Variants in PRSS23 observed in about 807,000 individuals in gnomAD.
PRSS23 encodes the protein protease, serine 23.
In PRSS23, 25 loss-of-function variants were observed where a neutral mutation model predicts 34.7. The observed-to-expected ratio is 0.72, with a 90% confidence interval of 0.53 to 1.01. PRSS23 has a LOEUF of 1.01. Ranked by LOEUF, PRSS23 falls within the 50% of genes least tolerant of loss-of-function variation. The probability of loss-of-function intolerance (pLI) is 0.00; values close to 1 mark genes in which losing one functional copy is unlikely to be tolerated. For synonymous variants in PRSS23, 176 were observed against 186.6 expected (o/e 0.94, Z 0.46); for missense variants, 445 against 475.6 (o/e 0.94, Z 0.60).
intron 2 of PRSS23, among the ~76,000 whole-genome samples, chr11:86,920,273 CAGTT>C (rs1949039234): frequency 6.6e-6 from 1 of 152,192 alleles, no homozygotes; most frequent in Non-Finnish European, 1.5e-5. Context: ...CCTTCAAACT[CAGTT>C]AGTCTATTCA....
rs371843497 is a variant in PRSS23 at position 86,907,501 on chromosome 11, C to G, written c.207-43715C>G. Reference sequence around the variant, plus strand: ...TGTTTTTTTGAGACAGGGTATCACTCTGTCACCCAGGCTAGAGCACACTGT... The same window carrying G: ...TGTTTTTTTGAGACAGGGTATCACTGTGTCACCCAGGCTAGAGCACACTGT... On this transcript the variant is annotated intron_variant, in intron 2 of 2. Transcript: ENST00000533902. 5.3e-5 allele frequency among the ~76,000 whole-genome samples: 8 copies of G among 152,224 alleles called. No homozygotes were observed. The East Asian group carries it at 1.4e-3, about 26-fold the overall frequency.
intron 2 of PRSS23, among the ~76,000 whole-genome samples, chr11:86,883,429 C>T (rs1948783719): frequency 6.6e-6 from 1 of 152,202 alleles, no homozygotes; most frequent in African/African-American, 2.4e-5. Context: ...GCTGGAATAA[C>T]TGGATAGCCA....
At chr11:86,825,894 T>C (rs1477068811) in intron 2 of PRSS23, among the ~76,000 whole-genome samples, 2 of 152,108 alleles carry the variant, frequency 1.3e-5, no homozygotes, top group African/African-American at 4.8e-5. Flanking sequence ...CCTTGTAGTA[T>C]AGTTTGAAGT....
intron 2 of PRSS23, chr11:86,857,773 A>G (rs1040408267): frequency 1.5e-5 from 16 of 1,054,024 alleles, no homozygotes; most frequent in Non-Finnish European, 2.2e-5. Flanking sequence ...GTCCACAATC[A>G]TCTTGGGAAC....
intron 2 of PRSS23, among the ~76,000 whole-genome samples, chr11:86,930,293 A>G (rs1326043208): frequency 2.0e-5 from 3 of 152,188 alleles, no homozygotes; most frequent in Non-Finnish European, 4.4e-5. Flanking sequence ...TGAATGTATA[A>G]GCTATTCAAA....
intron 1 of PRSS23, among the ~76,000 whole-genome samples, chr11:86,804,490 A>G (rs1261467963): frequency 6.6e-6 from 1 of 152,248 alleles, no homozygotes; most frequent in Non-Finnish European, 1.5e-5. Flanking sequence ...AGAACTTGGA[A>G]GCAGAGTTGC....
At chr11:86,940,291 A>G (rs1471876602) in intron 2 of PRSS23, among the ~76,000 whole-genome samples, 1 of 152,182 alleles carries the variant, frequency 6.6e-6, no homozygotes, top group African/African-American at 2.4e-5. Flanking sequence ...TTAGTTTGCA[A>G]CGTAGGGGTG....
chr11:86,831,202 T>G (rs1056956510), intron 2 of PRSS23, among the ~76,000 whole-genome samples: 2 of 152,148 alleles, frequency 1.3e-5, no homozygotes, highest in African/African-American at 4.8e-5. Context: ...CCCTGCGATA[T>G]TATTCATAAT....
intron 1 of PRSS23, among the ~76,000 whole-genome samples, chr11:86,803,271 G>C (rs1321140376): frequency 2.6e-5 from 4 of 152,168 alleles, no homozygotes; most frequent in African/African-American, 9.7e-5. Flanking sequence ...GAGTCTTCCA[G>C]GCAGCTCTGC....
intron 2 of PRSS23, among the ~76,000 whole-genome samples, chr11:86,893,479 A>G (rs1393444037): frequency 6.6e-6 from 1 of 152,218 alleles, no homozygotes; most frequent in East Asian, 1.9e-4. Context: ...TGGGAGAAAC[A>G]TTGTTCTGCT....
At chr11:86,829,695 T>C (rs1025259791) in intron 2 of PRSS23, among the ~76,000 whole-genome samples, 1 of 152,208 alleles carries the variant, frequency 6.6e-6, no homozygotes, top group Non-Finnish European at 1.5e-5. Flanking sequence ...TTTGTTAGTT[T>C]TCCTTCTAAG....
chr11:86,807,940 G>T lies in PRSS23; in HGVS notation c.297G>T (p.Thr99=). 6.2e-7 allele frequency: 1 copy of T among 1,614,138 alleles called. No individual in the cohort carries two copies. Among genetic ancestry groups the T allele is most frequent in the Non-Finnish European group, 8.5e-7 (1 of 1,180,036 alleles). The change falls in exon 2 of 2, where the codon ACG becomes ACT. Residue 99 remains threonine, a synonymous_variant. Transcript: ENST00000280258. ...TLYANGSRTE[T]QVGIYILSSS... is the part of the protein sequence containing the mutation. ...ATGCCAATGGCAGCCGCACAGAGAC[G>T]CAGGTGGGCATCTACATCCTCAGCA... is the stretch of plus-strand genomic sequence containing the variant.
At chr11:86,945,040 C>T (rs1363667198) in intron 2 of PRSS23, among the ~76,000 whole-genome samples, 1 of 152,094 alleles carries the variant, frequency 6.6e-6, no homozygotes, top group Non-Finnish European at 1.5e-5. Flanking sequence ...TACTGACTCC[C>T]ATAACAATAT....
intron 2 of PRSS23, among the ~76,000 whole-genome samples, chr11:86,852,998 C>T (rs201660140): frequency 7.5e-4 from 111 of 147,640 alleles, no homozygotes; most frequent in Admixed American, 2.0e-3. Flanking sequence ...GGATTACAGG[C>T]GTGCGCCACC....
At chr11:86,872,418 G>A (rs7118936) in intron 2 of PRSS23, among the ~76,000 whole-genome samples, 19,270 of 152,042 alleles carry the variant, frequency 0.13, 1,988 homozygotes, top group African/African-American at 0.29. Flanking sequence ...CACTTAACAC[G>A]TTCCTGATTC....
chr11:86,869,634 G>C (rs1948671880), intron 2 of PRSS23, among the ~76,000 whole-genome samples: 1 of 152,150 alleles, frequency 6.6e-6, no homozygotes, highest in Admixed American at 6.5e-5. Flanking sequence ...CAAGGTTACA[G>C]AGCTGGATTA....
upstream of PRSS23, among the ~76,000 whole-genome samples, chr11:86,796,572 C>T (rs1170080578): frequency 2.3e-5 from 3 of 132,258 alleles, no homozygotes; most frequent in South Asian, 2.5e-4. Context: ...ACCCGGGAGG[C>T]GGAGCTTGCA....
intron 2 of PRSS23, among the ~76,000 whole-genome samples, chr11:86,881,571 T>C (rs964211289): frequency 6.6e-6 from 1 of 152,222 alleles, no homozygotes; most frequent in African/African-American, 2.4e-5. Flanking sequence ...TTTCTTGTGA[T>C]GTCTTTGCCT....
intron 2 of PRSS23, among the ~76,000 whole-genome samples, chr11:86,880,727 T>C (rs1948767397): frequency 6.6e-6 from 1 of 152,216 alleles, no homozygotes; most frequent in South Asian, 2.1e-4. Flanking sequence ...CTCCCACTTA[T>C]GAGTGAGAAC....
Sources: gnomAD v4.1 joint callset for allele counts (sites outside exome capture counted in the v4.1 genomes callset) on GRCh38, gnomAD v4.1.1 for gene constraint, MANE v1.5 for transcripts, NCBI Gene and HGNC (gene_info 2026-07-23, HGNC 2026-07-21) for gene names.